The following IQCJ variants were observed in gnomAD, a reference collection of about 807,000 sequenced individuals.
IQCJ encodes IQ motif containing J, also known as IQ domain-containing protein J.
A neutral mutation model predicts 11.0 loss-of-function variants in IQCJ; 9 were observed. The observed-to-expected ratio is 0.82, with a 90% CI of 0.49 to 1.43. IQCJ has a LOEUF of 1.43. Among genes scored for constraint, IQCJ ranks in the 40% most tolerant of loss-of-function variants. IQCJ has a pLI of 0.00. For synonymous variants in IQCJ, 55 were observed against 51.3 expected (o/e 1.07, Z -0.31); for missense variants, 146 against 133.2 (o/e 1.10, Z -0.47).
intron 1 of IQCJ, among the ~76,000 whole-genome samples, chr3:159,171,499 C>G (rs1007444124): frequency 2.0e-5 from 3 of 152,170 alleles, no homozygotes; most frequent in African/African-American, 7.2e-5. Flanking sequence ...TTCTAACAGG[C>G]TCCCAGGTAA....
chr3:159,166,529 TA>T (rs1722173682), intron 1 of IQCJ, among the ~76,000 whole-genome samples: 1 of 152,234 alleles, frequency 6.6e-6, no homozygotes, highest in African/African-American at 2.4e-5. Flanking sequence ...GGATTGTAAT[TA>T]AACTTTAACA....
chr3:159,085,439 G>A (rs1011639395), intron 1 of IQCJ, among the ~76,000 whole-genome samples: 1 of 151,962 alleles, frequency 6.6e-6, no homozygotes, highest in African/African-American at 2.4e-5. Flanking sequence ...ACCCAGTAAT[G>A]GGATGGCTGG....
chr3:159,163,102 T>C (rs1291972661), intron 1 of IQCJ, among the ~76,000 whole-genome samples: 7 of 152,308 alleles, frequency 4.6e-5, no homozygotes, highest in Admixed American at 2.0e-4. Flanking sequence ...ATACCAAAGC[T>C]GGGCAGAGAC....
intron 1 of IQCJ, chr3:159,069,670 G>GGACA (rs1436250271): frequency 1.6e-6 from 1 of 624,170 alleles, no homozygotes; most frequent in African/African-American, 1.8e-5. Context: ...GTGTCTGTGC[G>GGACA]GACAGATTTC....
At chr3:159,239,957 A>G (rs1726820306) in intron 1 of IQCJ, among the ~76,000 whole-genome samples, 2 of 152,230 alleles carry the variant, frequency 1.3e-5, no homozygotes, top group African/African-American at 4.8e-5. Context: ...TCACACAATG[A>G]TGAAATCTCC....
At chr3:159,149,181 G>A (rs1160587234) in intron 1 of IQCJ, among the ~76,000 whole-genome samples, 3 of 152,098 alleles carry the variant, frequency 2.0e-5, no homozygotes, top group African/African-American at 4.8e-5. Flanking sequence ...GTGCTCACAC[G>A]GGCACAATCC....
At chr3:159,206,895 G>T (rs539436177) in intron 1 of IQCJ, among the ~76,000 whole-genome samples, 1 of 152,228 alleles carries the variant, frequency 6.6e-6, no homozygotes, top group East Asian at 1.9e-4. Context: ...TTCTAGTTTA[G>T]ATCTTTCAAG....
chr3:159,203,277 T>C (rs6778236), intron 1 of IQCJ, among the ~76,000 whole-genome samples: 3,297 of 148,640 alleles, frequency 0.022, 128 homozygotes, highest in African/African-American at 0.077. Flanking sequence ...CAGCAGCAGT[T>C]ATGGAGAGTG....
At chr3:159,249,755 C>G (rs919960030) in intron 2 of IQCJ, among the ~76,000 whole-genome samples, 1 of 152,228 alleles carries the variant, frequency 6.6e-6, no homozygotes, top group Non-Finnish European at 1.5e-5. Context: ...GGTGTCAGAA[C>G]AGTTGATTGG....
At chr3:159,225,202 A>G (rs1037572229) in intron 1 of IQCJ, among the ~76,000 whole-genome samples, 3 of 152,220 alleles carry the variant, frequency 2.0e-5, no homozygotes, top group East Asian at 1.9e-4. Context: ...ACCATGGAAT[A>G]CAACTCAACA....
intron 3 of IQCJ, among the ~76,000 whole-genome samples, chr3:159,257,063 A>C (rs1322759997): frequency 6.6e-6 from 1 of 152,220 alleles, no homozygotes; most frequent in Non-Finnish European, 1.5e-5. Flanking sequence ...CTCTAAGCAT[A>C]CTTTATCATG....
At chr3:159,121,151 TTAA>T (rs200742948) in intron 1 of IQCJ, among the ~76,000 whole-genome samples, 4,416 of 129,764 alleles carry the variant, frequency 0.034, 304 homozygotes, top group East Asian at 0.27. Flanking sequence ...TTTTTTTTTT[TTAA>T]TTAGGGTCTT....
At chr3:159,197,333 C>G (rs1560022057) in intron 1 of IQCJ, among the ~76,000 whole-genome samples, 1 of 152,172 alleles carries the variant, frequency 6.6e-6, no homozygotes, top group Non-Finnish European at 1.5e-5. Context: ...TGTCATTTCT[C>G]CATTGTCACT....
chr3:159,203,345 T>TGA (rs1724460545), intron 1 of IQCJ, among the ~76,000 whole-genome samples: 1 of 150,976 alleles, frequency 6.6e-6, no homozygotes, highest in Admixed American at 6.6e-5. Context: ...CTCAGTGAGC[T>TGA]GAAGAGTGAT....
chr3:159,085,924 A>C lies in IQCJ; in HGVS notation c.9+16483A>C, dbSNP rs564972179. 1.5e-4 allele frequency among the ~76,000 whole-genome samples: 22 copies of C among 151,286 alleles called. No individual in the cohort carries two copies. In the South Asian group the frequency reaches 2.5e-3, roughly 17 times the overall value. ...TGTGCAGAAGCTCTTTAGTTTAATT[A>C]GATACCATTTGTCAATTTTGGCTTT... On this transcript the variant is annotated intron_variant, in intron 1 of 3. Coordinates refer to ENST00000397832, the MANE Select transcript of IQCJ (RefSeq NM_001042706.3).
chr3:159,089,011 G>A (rs1303148359), intron 1 of IQCJ, among the ~76,000 whole-genome samples: 1 of 151,992 alleles, frequency 6.6e-6, no homozygotes, highest in East Asian at 1.9e-4. Flanking sequence ...TTTCTTCCTA[G>A]TCTCGATGGT....
chr3:159,150,459 C>T (rs1721144904), intron 1 of IQCJ, among the ~76,000 whole-genome samples: 1 of 152,058 alleles, frequency 6.6e-6, no homozygotes, highest in Non-Finnish European at 1.5e-5. Context: ...CTGTGCTATG[C>T]TGTGAAAAGA....
intron 1 of IQCJ, among the ~76,000 whole-genome samples, chr3:159,204,845 A>G (rs1420462906): frequency 6.6e-6 from 1 of 152,200 alleles, no homozygotes; most frequent in East Asian, 1.9e-4. Context: ...AATGGGACTA[A>G]AAGAATATGT....
chr3:159,137,558 G>A (rs561492615), intron 1 of IQCJ, among the ~76,000 whole-genome samples: 2 of 152,094 alleles, frequency 1.3e-5, no homozygotes, highest in East Asian at 3.9e-4. Context: ...AAAAAAATTG[G>A]GACAGTATCT....
Sources: allele counts gnomAD v4.1 joint callset (sites outside exome capture counted in the v4.1 genomes callset), GRCh38; gene constraint gnomAD v4.1.1; transcripts MANE v1.5; gene names NCBI Gene and HGNC (gene_info 2026-07-23, HGNC 2026-07-21).